ARHGAP32: variants seen among roughly 807,000 people sequenced by gnomAD.
ARHGAP32 encodes the protein Rho GTPase activating protein 32.
Under a neutral mutation model 186.5 loss-of-function variants are expected in ARHGAP32, and 51 were observed. That is an observed-to-expected ratio of 0.27 (90% CI 0.22 to 0.35). The LOEUF is 0.35. Ranked by LOEUF, ARHGAP32 falls within the 10% of genes least tolerant of loss-of-function variation. The pLI, the probability that ARHGAP32 is intolerant of heterozygous loss-of-function variation, is 1.00. For missense variants in ARHGAP32, 2,186 were observed against 2,623.5 expected, an observed-to-expected ratio of 0.83 and a Z score of 3.64; for synonymous variants, 950 against 964.3, an observed-to-expected ratio of 0.99 and a Z score of 0.27.
At chr11:129,178,529 CT>C (rs1943973805) in intron 1 of ARHGAP32, among the ~76,000 whole-genome samples, 1 of 152,156 alleles carries the variant, frequency 6.6e-6, no homozygotes, top group Non-Finnish European at 1.5e-5. Context: ...ATCACACTAC[CT>C]GACTTCAAAC....
At chr11:129,039,582 A>G (rs1591555713) in intron 11 of ARHGAP32, among the ~76,000 whole-genome samples, 2 of 152,316 alleles carry the variant, frequency 1.3e-5, no homozygotes, top group East Asian at 3.9e-4. Context: ...GTATGAGGGG[A>G]GCAGTGTCCG....
chr11:128,969,001 T>A lies in ARHGAP32; in HGVS notation c.6212A>T (p.Gln2071Leu), dbSNP rs148939522. 1 of 1,610,082 alleles carries A rather than the reference T, an allele frequency of 6.2e-7. No homozygotes were observed. The highest frequency in any genetic ancestry group is 8.5e-7 in the Non-Finnish European group (1 of 1,177,528). The change falls in exon 23 of 23, where the codon CAG (glutamine) becomes CTG (leucine). Residue 2071 changes from glutamine to leucine, a missense_variant. Gln to Leu is a moderately radical substitution (Grantham distance 113). Transcript: ENST00000682385. This position sits in a 1 kb window ranked among gnomAD's most constrained non-coding sequence, Gnocchi z 4.8. ...TYVPPGFPHP[Q>L]SRTYATALGQ... ...CAACGCTGTAGCATAGGTCCTGCTC[T>A]GTGGATGGGGAAAGCCAGGGGGCAC...
intron 1 of ARHGAP32, among the ~76,000 whole-genome samples, chr11:129,185,856 T>C (rs1944149712): frequency 6.6e-6 from 1 of 151,954 alleles, no homozygotes; most frequent in Non-Finnish European, 1.5e-5. Flanking sequence ...GTGAAAGAAA[T>C]CATTTTATTT....
chr11:129,008,701 T>G (rs1400916143), intron 11 of ARHGAP32, among the ~76,000 whole-genome samples: 1 of 152,220 alleles, frequency 6.6e-6, no homozygotes, highest in African/African-American at 2.4e-5. Context: ...AAAACTTACT[T>G]GCAATCTCAA....
At chr11:129,011,493 G>C (rs766826475) in intron 11 of ARHGAP32, among the ~76,000 whole-genome samples, 11 of 152,166 alleles carry the variant, frequency 7.2e-5, no homozygotes, top group Non-Finnish European at 1.6e-4. Flanking sequence ...TTTCTCTGAG[G>C]AAGTCATATC....
chr11:129,138,463 A>G (rs1172675610), intron 2 of ARHGAP32, among the ~76,000 whole-genome samples: 2 of 152,170 alleles, frequency 1.3e-5, no homozygotes, highest in Non-Finnish European at 2.9e-5. Context: ...ACTAGGAATT[A>G]GCAATGTTTT....
intron 1 of ARHGAP32, among the ~76,000 whole-genome samples, chr11:129,203,245 C>T (rs1007962631): frequency 6.9e-5 from 10 of 145,468 alleles, no homozygotes; most frequent in African/African-American, 1.7e-4. Context: ...GTCTAAGTGA[C>T]GACCCGTTTT....
chr11:129,012,714 A>C (rs1938141705), intron 11 of ARHGAP32, among the ~76,000 whole-genome samples: 1 of 152,202 alleles, frequency 6.6e-6, no homozygotes, highest in African/African-American at 2.4e-5. Context: ...CAAAAGAAAG[A>C]AAGGGAAAAA....
At chr11:129,182,765 T>G (rs1944083345) in intron 1 of ARHGAP32, among the ~76,000 whole-genome samples, 1 of 151,804 alleles carries the variant, frequency 6.6e-6, no homozygotes, top group Admixed American at 6.6e-5. Flanking sequence ...CACTTCAGTC[T>G]CCTGAGTACC....
chr11:129,103,519 T>C (rs1037192516), intron 5 of ARHGAP32, among the ~76,000 whole-genome samples: 2 of 152,140 alleles, frequency 1.3e-5, no homozygotes. Context: ...TTCCAAAATA[T>C]GTGAAAACAT....
At chr11:129,068,840 G>A (rs1170669964) in intron 6 of ARHGAP32, among the ~76,000 whole-genome samples, 2 of 151,950 alleles carry the variant, frequency 1.3e-5, no homozygotes, top group Non-Finnish European at 2.9e-5. Context: ...ATCCAAGTCT[G>A]AGACTGTCCC....
intron 1 of ARHGAP32, among the ~76,000 whole-genome samples, chr11:129,221,774 T>G (rs184474098): frequency 3.9e-5 from 6 of 152,096 alleles, no homozygotes; most frequent in Admixed American, 3.9e-4. Context: ...ATCACACCCC[T>G]GCACCCTAGT....
chr11:129,136,569 A>T (rs1384649106), intron 2 of ARHGAP32, among the ~76,000 whole-genome samples: 1 of 152,168 alleles, frequency 6.6e-6, no homozygotes, highest in East Asian at 1.9e-4. Flanking sequence ...ATTATAGGCT[A>T]ATCTCATTAA....
intron 1 of ARHGAP32, among the ~76,000 whole-genome samples, chr11:129,248,387 A>G (rs1945133010): frequency 1.3e-5 from 2 of 152,070 alleles, no homozygotes; most frequent in South Asian, 2.1e-4. Flanking sequence ...GTTTTTATTT[A>G]TGTCTTGGCT....
chr11:129,257,477 T>TA (rs1945268537), intron 1 of ARHGAP32, among the ~76,000 whole-genome samples: 1 of 151,900 alleles, frequency 6.6e-6, no homozygotes, highest in African/African-American at 2.4e-5. Context: ...TTTTAGTATT[T>TA]AAAAAAACAA....
At chr11:129,027,367 A>G (rs1208758272) in intron 11 of ARHGAP32, among the ~76,000 whole-genome samples, 1 of 152,146 alleles carries the variant, frequency 6.6e-6, no homozygotes, top group African/African-American at 2.4e-5. Flanking sequence ...AAACTGCTCA[A>G]AGTCTTCCAC....
chr11:129,057,249 T>TG (rs1289566333), intron 10 of ARHGAP32, among the ~76,000 whole-genome samples: 1 of 152,090 alleles, frequency 6.6e-6, no homozygotes, highest in African/African-American at 2.4e-5. Flanking sequence ...CAGGGAATCC[T>TG]GGTGAGCCCT....
intron 1 of ARHGAP32, among the ~76,000 whole-genome samples, chr11:129,212,998 G>A (rs1944599951): frequency 6.6e-6 from 1 of 151,356 alleles, no homozygotes; most frequent in Non-Finnish European, 1.5e-5. Flanking sequence ...CAAATTATAT[G>A]TGTATCTGGC....
chr11:129,192,800 T>A (rs1256866246), upstream of ARHGAP32, among the ~76,000 whole-genome samples: 2 of 152,112 alleles, frequency 1.3e-5, no homozygotes, highest in Admixed American at 1.3e-4. Context: ...TGCTCAAGTA[T>A]CCAGAGTGAG....
Sources: gnomAD v4.1 joint callset for allele counts (sites outside exome capture counted in the v4.1 genomes callset) on GRCh38, gnomAD v4.1.1 for gene constraint, Gnocchi (gnomAD v3.1) non-coding constraint, MANE v1.5 for transcripts, NCBI Gene and HGNC (gene_info 2026-07-23, HGNC 2026-07-21) for gene names.